RCAN2: variants seen among roughly 807,000 people sequenced by gnomAD.
RCAN2 encodes the protein calcipressin-2.
RCAN2 carries 9 observed loss-of-function variants against 23.6 expected under a neutral mutation model. That is an observed-to-expected ratio of 0.38 (90% CI 0.23 to 0.67). The LOEUF (loss-of-function observed/expected upper bound fraction) is 0.67, where lower values mean the gene tolerates loss of function less well. Among genes scored for constraint, RCAN2 ranks in the 30% least tolerant of loss-of-function variants. The pLI, the probability that RCAN2 is intolerant of heterozygous loss-of-function variation, is 0.51. For synonymous variants in RCAN2, 109 were observed against 115.7 expected (o/e 0.94, Z 0.37); for missense variants, 273 against 302.3 (o/e 0.90, Z 0.72).
intron 4 of RCAN2, among the ~76,000 whole-genome samples, chr6:46,224,931 C>A (rs866655568): frequency 2.0e-5 from 3 of 151,982 alleles, no homozygotes; most frequent in South Asian, 2.1e-4. Context: ...TCCCTCCCCC[C>A]CTTCCCCCAC....
intron 2 of RCAN2, among the ~76,000 whole-genome samples, chr6:46,266,752 T>C (rs923114882): frequency 1.3e-5 from 2 of 152,156 alleles, no homozygotes; most frequent in African/African-American, 4.8e-5. Context: ...TCCAGCATCA[T>C]TTTACCCTTT....
intron 2 of RCAN2, among the ~76,000 whole-genome samples, chr6:46,362,875 C>T (rs1050818293): frequency 6.6e-6 from 1 of 152,178 alleles, no homozygotes; most frequent in East Asian, 1.9e-4. Flanking sequence ...TAGCTCATTC[C>T]TCTTATCAGG....
intron 1 of RCAN2, among the ~76,000 whole-genome samples, chr6:46,490,678 C>T (rs1157693208): frequency 6.6e-6 from 1 of 152,156 alleles, no homozygotes; most frequent in East Asian, 1.9e-4. Context: ...ATTCTCAGCC[C>T]GCTGCACCTC....
At chr6:46,376,805 G>A (rs1031875190) in intron 2 of RCAN2, among the ~76,000 whole-genome samples, 1 of 152,048 alleles carries the variant, frequency 6.6e-6, no homozygotes, top group African/African-American at 2.4e-5. Context: ...CAGAAAGGAG[G>A]AAGTGGGCTA....
intron 1 of RCAN2, among the ~76,000 whole-genome samples, chr6:46,486,307 G>A (rs1417173549): frequency 2.0e-5 from 3 of 152,194 alleles, no homozygotes; most frequent in Non-Finnish European, 2.9e-5. Flanking sequence ...ATGAGATAAC[G>A]TATGTAGCAT....
At chr6:46,272,706 T>C (rs144270550) in intron 2 of RCAN2, among the ~76,000 whole-genome samples, 321 of 152,340 alleles carry the variant, frequency 2.1e-3, no homozygotes, top group African/African-American at 7.3e-3. Flanking sequence ...ACATGTAATG[T>C]TTAATTGGAA....
At chr6:46,340,416 G>A (rs1764278747) in intron 2 of RCAN2, among the ~76,000 whole-genome samples, 2 of 152,186 alleles carry the variant, frequency 1.3e-5, no homozygotes, top group Admixed American at 1.3e-4. Flanking sequence ...TTCCCAATCA[G>A]GGCCCAGCTC....
rs190817904 is a variant in RCAN2 at position 46,406,048 on chromosome 6, G to A, written c.225+50704C>T. ...ACTGCCCGGGGCAGCAGGGCCGGCC[G>A]GCTGCTCCGAATGCGGGGCCCGCCA... On this transcript the variant is annotated intron_variant, in intron 2 of 4. Coordinates refer to ENST00000371374, the MANE Select transcript of RCAN2 (RefSeq NM_001251974.2). Among the ~76,000 whole-genome samples the A allele has an allele frequency of 8.7e-3, 1,327 of 152,314 alleles. 22 individuals carry two copies. Among genetic ancestry groups the A allele is most frequent in the African/African-American group, 0.03 (1,266 of 41,566 alleles).
chr6:46,485,176 T>C (rs955336879), intron 1 of RCAN2, among the ~76,000 whole-genome samples: 7 of 152,182 alleles, frequency 4.6e-5, no homozygotes, highest in Non-Finnish European at 7.3e-5. Flanking sequence ...TCTTAAATAA[T>C]TGGGAACAAT....
At chr6:46,469,757 A>T (rs1364353234) in intron 1 of RCAN2, among the ~76,000 whole-genome samples, 1 of 152,178 alleles carries the variant, frequency 6.6e-6, no homozygotes, top group Admixed American at 6.5e-5. Flanking sequence ...TTAATGGCCA[A>T]TGTGATGGTA....
At chr6:46,329,098 CAAAAAAAAAGAA>C (rs1280564690) in intron 2 of RCAN2, among the ~76,000 whole-genome samples, 1 of 150,332 alleles carries the variant, frequency 6.7e-6, no homozygotes, top group Non-Finnish European at 1.5e-5. Flanking sequence ...ATTGGTGTTC[CAAAAAAAAAGAA>C]AGAAACAAAG....
At chr6:46,244,892 A>G (rs1298305769) in intron 4 of RCAN2, among the ~76,000 whole-genome samples, 1 of 152,236 alleles carries the variant, frequency 6.6e-6, no homozygotes, top group African/African-American at 2.4e-5. Flanking sequence ...TAGGAGTCAA[A>G]CTGGCAGCTT....
intron 2 of RCAN2, among the ~76,000 whole-genome samples, chr6:46,296,751 C>T (rs1013416965): frequency 3.9e-5 from 6 of 152,008 alleles, no homozygotes; most frequent in Non-Finnish European, 5.9e-5. Flanking sequence ...TGGAAATCTC[C>T]AGAAGATCAA....
chr6:46,482,380 A>G (rs76132692), intron 1 of RCAN2, among the ~76,000 whole-genome samples: 1 of 152,304 alleles, frequency 6.6e-6, no homozygotes, highest in African/African-American at 2.4e-5. Context: ...TGAGAGAAGA[A>G]GAATGAAAAC....
intron 2 of RCAN2, among the ~76,000 whole-genome samples, chr6:46,250,317 A>T (rs143720338): frequency 1.3e-5 from 2 of 152,362 alleles, no homozygotes; most frequent in East Asian, 1.9e-4. Context: ...TATCCTTATT[A>T]TAAGAAAACT....
chr6:46,477,141 T>G (rs1490143496), intron 1 of RCAN2, among the ~76,000 whole-genome samples: 1 of 152,196 alleles, frequency 6.6e-6, no homozygotes, highest in Non-Finnish European at 1.5e-5. Flanking sequence ...ACTCTTTATC[T>G]GGCTGTTCAT....
chr6:46,312,233 G>A (rs1763288538), intron 2 of RCAN2, among the ~76,000 whole-genome samples: 1 of 152,082 alleles, frequency 6.6e-6, no homozygotes, highest in African/African-American at 2.4e-5. Context: ...CTCCTAGCGT[G>A]GTATATGGTC....
chr6:46,221,614 TTC>T lies in RCAN2; in HGVS notation c.*1525_*1526del, dbSNP rs1234440888. 3 of 266,854 alleles carry T rather than the reference TTC, an allele frequency of 1.1e-5. No individual in the cohort carries two copies. The highest frequency in any genetic ancestry group is 6.6e-5 in the African/African-American group (3 of 45,572). 16.5% of individuals were successfully genotyped at this position (266,854 alleles called of 1,614,324 possible). Reference sequence around the variant, plus strand: ...TATTCACAGTAAAACGGACTTTAATTTCTGAGTGATCAGTCTATGTTTTAAGT... The same window carrying T: ...TATTCACAGTAAAACGGACTTTAATTTGAGTGATCAGTCTATGTTTTAAGT... On this transcript the variant is annotated 3_prime_UTR_variant, in exon 5 of 5. Transcript: ENST00000371374.
chr6:46,384,029 C>A (rs1478868003), intron 2 of RCAN2, among the ~76,000 whole-genome samples: 1 of 152,166 alleles, frequency 6.6e-6, no homozygotes, highest in Admixed American at 6.5e-5. Context: ...TCTACATACT[C>A]CCCCACCCAG....
Sources: gnomAD v4.1 joint callset for allele counts (sites outside exome capture counted in the v4.1 genomes callset) on GRCh38, gnomAD v4.1.1 for gene constraint, MANE v1.5 for transcripts, NCBI Gene and HGNC (gene_info 2026-07-23, HGNC 2026-07-21) for gene names.